ANKK1: variants seen among roughly 807,000 people sequenced by gnomAD.
ANKK1 encodes the protein ankyrin repeat and protein kinase domain-containing protein 1.
In ANKK1, 37 loss-of-function variants were observed where a neutral mutation model predicts 37.6. The ratio of observed to expected loss-of-function variants is 0.98; its 90% CI spans 0.76 to 1.29. ANKK1 has a LOEUF of 1.29. Ranked by LOEUF, ANKK1 falls within the 50% of genes most tolerant of loss-of-function variation. ANKK1 has a pLI of 0.00. For missense variants in ANKK1, 1,019 were observed against 990.6 expected (o/e 1.03, Z -0.39); for synonymous variants, 415 against 418.7 (o/e 0.99, Z 0.11).
rs1950695108 is a variant in ANKK1 at position 113,400,411 on chromosome 11, G to T, written c.*144G>T. On this transcript the variant is annotated 3_prime_UTR_variant, in exon 8 of 8. Transcript: ENST00000303941. ...GTCTCTGCTAAAAATACAAAATTTA[G>T]CTGGGTATGGTGGCACGTGCCTGTA... The T allele has an allele frequency of 3.4e-6, 3 of 874,846 alleles. No individual in the cohort carries two copies. The highest frequency in any genetic ancestry group is 5.1e-6 in the Non-Finnish European group (3 of 591,318). The allele number at this position is 874,846 out of a possible 1,614,324, so 54.2% of individuals were successfully genotyped here.
chr11:113,397,209 C>G lies in ANKK1; in HGVS notation c.839-15C>G. 7 of 1,597,722 alleles carry G rather than the reference C, an allele frequency of 4.4e-6. No individual in the cohort carries two copies. Among genetic ancestry groups the G allele is most frequent in the Non-Finnish European group, 6.0e-6 (7 of 1,174,318 alleles). ...CGTTGCTTCCTTTCCTGTCTTTCTC[C>G]CACTCATGGAGCAGACATTACCATC... On this transcript the variant is annotated splice_polypyrimidine_tract_variant and intron_variant, in intron 5 of 7. Coordinates refer to ENST00000303941, the MANE Select transcript of ANKK1 (RefSeq NM_178510.2).
intron 2 of ANKK1, 133 bp downstream of exon 2, chr11:113,393,908 G>GTGATCCCTGCCTTTA: frequency 8.8e-7 from 1 of 1,130,106 alleles, no homozygotes; most frequent in Non-Finnish European, 1.2e-6. Flanking sequence ...CTAAAGGCAG[G>GTGATCCCTGCCTTTA]GATCACACTG....
chr11:113,398,193 G>A (rs1474669932), intron 7 of ANKK1, among the ~76,000 whole-genome samples, 177 bp downstream of exon 7: 1 of 152,004 alleles, frequency 6.6e-6, no homozygotes, highest in Non-Finnish European at 1.5e-5. Context: ...ATGCCCTCAG[G>A]GAGCCTGGCT....
At chr11:113,395,214 G>A in intron 3 of ANKK1, 134 bp downstream of exon 3, 2 of 1,482,620 alleles carry the variant, frequency 1.3e-6, no homozygotes, top group Non-Finnish European at 1.8e-6. Context: ...ACTCTGGCTG[G>A]AGAGGCAGAG....
At chr11:113,389,645 C>T (rs149265424) in intron 1 of ANKK1, among the ~76,000 whole-genome samples, 1 of 152,246 alleles carries the variant, frequency 6.6e-6, no homozygotes, top group East Asian at 1.9e-4. Context: ...GAAAAGGCTT[C>T]CTTGAAGAAG....
chr11:113,388,046 C>G lies in ANKK1; in HGVS notation c.162C>G (p.Pro54=). The change falls in exon 1 of 8, where the codon CCC becomes CCG. Residue 54 remains proline (P), a synonymous_variant. Transcript: ENST00000303941. ...WRTEYAIKCA[P]CLPPDAASSD... ...CGGAGTACGCCATCAAGTGCGCCCC[C>G]TGCCTTCCACCCGACGCCGCCAGGT... 1 of 1,526,526 alleles carries G rather than the reference C, an allele frequency of 6.6e-7. No individual in the cohort carries two copies. Among genetic ancestry groups the G allele is most frequent in the Non-Finnish European group, 8.8e-7 (1 of 1,134,908 alleles). 94.6% of individuals were successfully genotyped at this position (1,526,526 alleles called of 1,614,324 possible). A position where few individuals can be genotyped will look rare whatever the true frequency, so the allele number is the denominator to read the frequency against.
At chr11:113,396,759 G>A (rs1222905216) in intron 5 of ANKK1, among the ~76,000 whole-genome samples, 1 of 152,186 alleles carries the variant, frequency 6.6e-6, no homozygotes, top group Non-Finnish European at 1.5e-5. Flanking sequence ...CCTGTGGGAG[G>A]TGGAGTAGAA....
Position 113,396,098 on chromosome 11 carries a change from G to A in ANKK1, c.714G>A (p.Val238=). Residue 238 remains valine, a synonymous_variant, in exon 5 of 8, where the codon GTG becomes GTA. Coordinates refer to ENST00000303941, the MANE Select transcript of ANKK1 (RefSeq NM_178510.2). The part of the protein sequence containing the change: ...GFNMMMIIIR[V]AAGMRPSLQP... ...ACATGATGATGATTATTATCCGAGT[G>A]GCGGCAGGCATGCGGCCCTCCCTAC... 1 of 1,614,024 alleles carries A rather than the reference G, an allele frequency of 6.2e-7. No individual in the cohort carries two copies.
Position 113,399,579 on chromosome 11 carries a change from G to A in ANKK1, c.1610G>A (p.Arg537Gln), listed in dbSNP as rs758090485. ...ACACCACTGCACCTGGCAGTAGAGCGGGGCAAAGTGAGGGCCATCCAACAC... is the reference window on the plus strand; with the variant it reads ...ACACCACTGCACCTGGCAGTAGAGCAGGGCAAAGTGAGGGCCATCCAACAC... Reference protein sequence around the residue: ...LRTPLHLAVERGKVRAIQHLL... With the variant: ...LRTPLHLAVEQGKVRAIQHLL... Residue 537 changes from arginine to glutamine, a missense_variant, in exon 8 of 8, where the codon CGG (arginine) becomes CAG (glutamine). Physicochemically the swap from Arg to Gln is conservative, Grantham distance 43 (BLOSUM62 1). Coordinates refer to ENST00000303941, the MANE Select transcript of ANKK1 (RefSeq NM_178510.2). 39 of 1,604,784 alleles carry A rather than the reference G, an allele frequency of 2.4e-5. No individual in the cohort carries two copies. The Admixed American group carries it at 3.4e-4, about 14-fold the overall frequency.
chr11:113,396,805 T>C (rs1354303908), intron 5 of ANKK1, among the ~76,000 whole-genome samples: 1 of 152,178 alleles, frequency 6.6e-6, no homozygotes, highest in Non-Finnish European at 1.5e-5. Context: ...CCACAGCATC[T>C]GGGCCTGGCC....
Position 113,388,027 on chromosome 11 carries a change from A to G in ANKK1, c.143A>G (p.Tyr48Cys), listed in dbSNP as rs1426759361. ...CGGCACAGGCGCTGGCGGACGGAGT[A>G]CGCCATCAAGTGCGCCCCCTGCCTT... ...QARHRRWRTE[Y>C]AIKCAPCLPP... Residue 48 changes from tyrosine (Y) to cysteine (C), a missense_variant, in exon 1 of 8, where the codon TAC becomes TGC. Physicochemically the swap from Tyr to Cys is radical, Grantham distance 194. Transcript: ENST00000303941. 6.4e-7 allele frequency: 1 copy of G among 1,550,560 alleles called. No individual in the cohort carries two copies.
intron 6 of ANKK1, 45 bp from the exon 7 acceptor site, chr11:113,397,935 C>T: frequency 1.3e-6 from 2 of 1,551,502 alleles, no homozygotes; most frequent in Non-Finnish European, 1.7e-6. Context: ...CAGGCTAGAA[C>T]TGCGCCACTG....
Position 113,399,274 on chromosome 11 carries a change from A to C in ANKK1, c.1305A>C (p.Ala435=). The C allele has an allele frequency of 6.2e-7, 1 of 1,606,234 alleles. No homozygotes were observed. Residue 435 remains alanine (A), a synonymous_variant, in exon 8 of 8, where the codon GCA becomes GCC. Coordinates refer to ENST00000303941, the MANE Select transcript of ANKK1 (RefSeq NM_178510.2). ...ATGGCTGGGCCCCACTGCACTTTGC[A>C]GCCCAGAATGGGGATGACGGCACTG... ...DEDGWAPLHF[A]AQNGDDGTAR...
chr11:113,394,128 C>A (rs528223767), intron 2 of ANKK1, among the ~76,000 whole-genome samples: 3 of 146,846 alleles, frequency 2.0e-5, no homozygotes, highest in South Asian at 2.1e-4. Flanking sequence ...TCCTAAAACT[C>A]TTTTTTGCCC....
At chr11:113,393,800 C>A (rs1321297075) in intron 2 of ANKK1, 25 bp downstream of exon 2, 7 of 1,561,650 alleles carry the variant, frequency 4.5e-6, no homozygotes, top group Non-Finnish European at 6.0e-6. Flanking sequence ...CAATCCTCCG[C>A]TCCCTTTCAC....
rs1485062106 is a variant in ANKK1, at chr11:113,398,072, CA to C, written c.994+59del. The C allele has an allele frequency of 1.9e-6, 3 of 1,541,754 alleles. 1 individual carries two copies. Among genetic ancestry groups the C allele is most frequent in the Middle Eastern group, 3.5e-4 (2 of 5,780 alleles). On this transcript the variant is annotated intron_variant, in intron 7 of 7. Coordinates refer to ENST00000303941, the MANE Select transcript of ANKK1 (RefSeq NM_178510.2). The stretch of plus-strand genomic sequence containing the variant: ...GAACTCACAGCAGAGAAAATGGAGT[CA>C]AACCACACCCTTTCCCCATCCCCCT...
At chr11:113,392,371 TC>T (rs1336026376) in intron 1 of ANKK1, among the ~76,000 whole-genome samples, 1 of 152,176 alleles carries the variant, frequency 6.6e-6, no homozygotes, top group Non-Finnish European at 1.5e-5. Context: ...GGAGAAGGGA[TC>T]TCTGGCACAA....
At chr11:113,396,259 C>T (rs1212212344) in intron 5 of ANKK1, 37 bp downstream of exon 5, 1 of 1,605,832 alleles carries the variant, frequency 6.2e-7, no homozygotes, top group Non-Finnish European at 8.5e-7. Flanking sequence ...GGACTGGGAG[C>T]TGGGTGGGGC....
In ANKK1 at chr11:113,393,494, T is replaced by C. The variant is rs1232405137; in HGVS notation, c.199T>C (p.Tyr67His). The C allele has an allele frequency of 6.2e-7, 1 of 1,613,376 alleles. No homozygotes were observed. Reference sequence around the variant, plus strand: ...CCCTCTCCATAGCTCTGATGTGAATTACCTCATTGAAGAAGCTGCCAAAAT... The same window carrying C: ...CCCTCTCCATAGCTCTGATGTGAATCACCTCATTGAAGAAGCTGCCAAAAT... The part of the protein sequence containing the change: ...PPDAASSDVN[Y>H]LIEEAAKMKK... The change falls in exon 2 of 8, where the codon TAC becomes CAC. Residue 67 changes from tyrosine to histidine, a missense_variant. By Grantham distance (83) the Tyr-to-His change is moderately conservative. Coordinates refer to ENST00000303941, the MANE Select transcript of ANKK1 (RefSeq NM_178510.2).
Sources: allele counts gnomAD v4.1 joint callset (sites outside exome capture counted in the v4.1 genomes callset), GRCh38; gene constraint gnomAD v4.1.1; transcripts MANE v1.5; gene names NCBI Gene and HGNC (gene_info 2026-07-23, HGNC 2026-07-21).